ETNK1: variants seen among roughly 807,000 people sequenced by gnomAD.
ETNK1 encodes the protein putative protein product of Nbla10396.
ETNK1 carries 8 observed loss-of-function variants against 45.1 expected under a neutral mutation model. The observed-to-expected ratio is 0.18, with a 90% CI of 0.10 to 0.32. The LOEUF (loss-of-function observed/expected upper bound fraction) is 0.32. ETNK1 is among the 10% of genes least tolerant of loss of function. The pLI, the probability that ETNK1 is intolerant of heterozygous loss-of-function variation, is 1.00. For synonymous variants in ETNK1, 152 were observed against 151.9 expected (o/e 1.00, Z -0.01); for missense variants, 302 against 430.6 (o/e 0.70, Z 2.64).
At chr12:22,678,697 T>TA (rs1954184965) in intron 6 of ETNK1, among the ~76,000 whole-genome samples, 2 of 152,222 alleles carry the variant, frequency 1.3e-5, no homozygotes, top group Non-Finnish European at 2.9e-5. Flanking sequence ...TTGAGCTTTT[T>TA]ACGATTAGTT....
At chr12:22,673,808 T>C in intron 6 of ETNK1, 148 bp downstream of exon 6, 1 of 791,996 alleles carries the variant, frequency 1.3e-6, no homozygotes, top group Non-Finnish European at 2.0e-6. Flanking sequence ...ACAGTATGCA[T>C]TACCCCATTG....
At chr12:22,646,551 T>C (rs1260902069) in intron 2 of ETNK1, among the ~76,000 whole-genome samples, 1 of 151,854 alleles carries the variant, frequency 6.6e-6, no homozygotes, top group African/African-American at 2.4e-5. Context: ...TTTTGATTAA[T>C]CCTTATGAGC....
intron 1 of ETNK1, among the ~76,000 whole-genome samples, chr12:22,643,410 C>T (rs895217066): frequency 6.6e-6 from 1 of 152,020 alleles, no homozygotes; most frequent in Non-Finnish European, 1.5e-5. Flanking sequence ...TGTACACACA[C>T]ACATACACAC....
rs1050716149 is a variant in ETNK1, at chr12:22,630,071, G to A, written c.156+4485G>A. 9.2e-5 allele frequency among the ~76,000 whole-genome samples: 14 copies of A among 152,176 alleles called. No individual in the cohort carries two copies. In the East Asian group the frequency reaches 1.7e-3, roughly 19 times the overall value. ...ATGTAACTTGGACTACACAAACTGC[G>A]TCACATCTTTTTGGGGACTGAGCAT... On this transcript the variant is annotated intron_variant, in intron 1 of 7. Coordinates refer to ENST00000266517, the MANE Select transcript of ETNK1 (RefSeq NM_018638.5).
chr12:22,671,074 C>T (rs1954102591), intron 4 of ETNK1, 198 bp from the exon 5 acceptor site: 14 of 503,038 alleles, frequency 2.8e-5, no homozygotes, highest in Non-Finnish European at 3.4e-6. Flanking sequence ...AGCTGTTGAC[C>T]AAGAGACATA....
intron 1 of ETNK1, among the ~76,000 whole-genome samples, chr12:22,635,742 C>T (rs533491437): frequency 2.8e-4 from 43 of 151,626 alleles, no homozygotes; most frequent in African/African-American, 6.5e-4. Context: ...TTATCTTAAC[C>T]GGTTTTATTT....
intron 2 of ETNK1, among the ~76,000 whole-genome samples, chr12:22,655,623 C>T (rs1242159891): frequency 6.6e-6 from 1 of 152,198 alleles, no homozygotes; most frequent in African/African-American, 2.4e-5. Context: ...AGGCATGAGC[C>T]ACCATGCCCA....
At chr12:22,639,613 G>A (rs955997960) in intron 1 of ETNK1, among the ~76,000 whole-genome samples, 1 of 151,824 alleles carries the variant, frequency 6.6e-6, no homozygotes, top group African/African-American at 2.4e-5. Flanking sequence ...GGGGGCGGAG[G>A]TTGCAGTGAG....
chr12:22,644,094 A>T, intron 2 of ETNK1, 72 bp downstream of exon 2: 1 of 1,500,274 alleles, frequency 6.7e-7, no homozygotes, highest in South Asian at 1.3e-5. Flanking sequence ...ATATTTTTTA[A>T]AATTGTCTTT....
chr12:22,640,321 C>CA (rs1953718881), intron 1 of ETNK1, among the ~76,000 whole-genome samples: 2 of 150,670 alleles, frequency 1.3e-5, no homozygotes, highest in Non-Finnish European at 2.9e-5. Flanking sequence ...ATTCGTCATG[C>CA]AAAACCAAAC....
intron 6 of ETNK1, among the ~76,000 whole-genome samples, chr12:22,678,625 T>C (rs751637159): frequency 1.8e-4 from 27 of 152,180 alleles, no homozygotes; most frequent in Non-Finnish European, 3.1e-4. Flanking sequence ...ACATTAACTA[T>C]ATAATGAGTG....
At chr12:22,673,890 A>T (rs186243437) in intron 6 of ETNK1, among the ~76,000 whole-genome samples, 1 of 152,180 alleles carries the variant, frequency 6.6e-6, no homozygotes, top group Non-Finnish European at 1.5e-5. Context: ...ATGCCTGGCC[A>T]TATGATAGGT....
intron 4 of ETNK1, among the ~76,000 whole-genome samples, chr12:22,662,997 TAG>T (rs748032836): frequency 6.6e-5 from 10 of 152,184 alleles, no homozygotes; most frequent in Non-Finnish European, 8.8e-5. Flanking sequence ...CAATGTTGAT[TAG>T]AGATTCTATT....
At chr12:22,657,757 T>C (rs545546205) in intron 2 of ETNK1, among the ~76,000 whole-genome samples, 1 of 152,286 alleles carries the variant, frequency 6.6e-6, no homozygotes, top group South Asian at 2.1e-4. Context: ...CACTTACTAC[T>C]GAAGTGAGTG....
chr12:22,665,915 TTAACTA>T (rs1457158245), intron 4 of ETNK1, among the ~76,000 whole-genome samples: 3 of 152,140 alleles, frequency 2.0e-5, no homozygotes, highest in Non-Finnish European at 2.9e-5. Flanking sequence ...AGTTTCTATC[TTAACTA>T]TAACTTGAGA....
chr12:22,629,907 T>C lies in ETNK1; in HGVS notation c.156+4321T>C, dbSNP rs192540346. On this transcript the variant is annotated intron_variant, in intron 1 of 7. Coordinates refer to ENST00000266517, the MANE Select transcript of ETNK1 (RefSeq NM_018638.5). ...CTATTCCCTCCCTGTCTTCAGCATTTTAGAATAATAAAGTATATAATGTTT... is the reference window on the plus strand; with the variant it reads ...CTATTCCCTCCCTGTCTTCAGCATTCTAGAATAATAAAGTATATAATGTTT... 3.4e-3 allele frequency among the ~76,000 whole-genome samples: 511 copies of C among 152,304 alleles called. 3 individuals carry two copies. The highest frequency in any genetic ancestry group is 0.012 in the African/African-American group (487 of 41,566).
At chr12:22,626,365 A>G (rs1031902140) in intron 1 of ETNK1, among the ~76,000 whole-genome samples, 3 of 152,136 alleles carry the variant, frequency 2.0e-5, no homozygotes, top group Non-Finnish European at 4.4e-5. Context: ...ATCTGTTTTT[A>G]GCTTTAGTTT....
intron 6 of ETNK1, among the ~76,000 whole-genome samples, chr12:22,676,252 A>G (rs1954160924): frequency 6.6e-6 from 1 of 151,976 alleles, no homozygotes; most frequent in Non-Finnish European, 1.5e-5. Flanking sequence ...GAGTGAGAAA[A>G]TGTGGTGTTT....
At chr12:22,639,434 T>G (rs112737363) in intron 1 of ETNK1, among the ~76,000 whole-genome samples, 4 of 152,232 alleles carry the variant, frequency 2.6e-5, no homozygotes, top group African/African-American at 9.6e-5. Context: ...CCTAGCACTT[T>G]GGGAGGCCGA....
Sources: allele counts gnomAD v4.1 joint callset (sites outside exome capture counted in the v4.1 genomes callset), GRCh38; gene constraint gnomAD v4.1.1; transcripts MANE v1.5; gene names NCBI Gene and HGNC (gene_info 2026-07-23, HGNC 2026-07-21).